The following PHLDB2 variants were observed in gnomAD, a reference collection of about 807,000 sequenced individuals.
PHLDB2 encodes pleckstrin homology like domain family B member 2, also known as pleckstrin homology-like domain family B member 2.
Under a neutral mutation model 123.6 loss-of-function variants are expected in PHLDB2, and 71 were observed. That is an observed-to-expected ratio of 0.57 (90% CI 0.47 to 0.70). The LOEUF (loss-of-function observed/expected upper bound fraction) is 0.70. Ranked by LOEUF, PHLDB2 falls within the 30% of genes least tolerant of loss-of-function variation. The pLI is 0.00. For missense variants in PHLDB2, 1,446 were observed against 1,519.5 expected, an observed-to-expected ratio of 0.95 and a Z score of 0.80; for synonymous variants, 547 against 541.6, an observed-to-expected ratio of 1.01 and a Z score of -0.14.
At chr3:111,874,104 G>A (rs1169531875) in intron 1 of PHLDB2, among the ~76,000 whole-genome samples, 2 of 152,094 alleles carry the variant, frequency 1.3e-5, no homozygotes, top group Non-Finnish European at 1.5e-5. Flanking sequence ...TTGGAAGTTT[G>A]TTTACATCCT....
chr3:111,881,622 TTA>T (rs1487688244), intron 1 of PHLDB2, among the ~76,000 whole-genome samples: 2 of 152,174 alleles, frequency 1.3e-5, no homozygotes, highest in African/African-American at 4.8e-5. Context: ...TATCATATTT[TTA>T]TGTTTGTTTA....
chr3:111,899,426 C>A (rs1021792111), intron 2 of PHLDB2, among the ~76,000 whole-genome samples: 2 of 152,174 alleles, frequency 1.3e-5, no homozygotes, highest in Non-Finnish European at 1.5e-5. Context: ...TGCTCTCCCC[C>A]ACTTCCCCCA....
rs1240536238 is a variant in PHLDB2, at chr3:111,976,244, C to G, written c.*1681C>G. On this transcript the variant is annotated 3_prime_UTR_variant, in exon 18 of 18. Coordinates refer to ENST00000431670, the MANE Select transcript of PHLDB2 (RefSeq NM_001134438.2). ...TATTGAGTTTGGATTAAAATGTTGA[C>G]ATGATTTCACATTTGAAAATAAACT... 2 of 152,174 alleles carry G rather than the reference C, an allele frequency of 1.3e-5. No homozygotes were observed. The highest frequency in any genetic ancestry group is 2.9e-5 in the Non-Finnish European group (2 of 68,026). The allele number at this position is 152,174 out of a possible 1,614,324, so 9.4% of individuals were successfully genotyped here. A position where few individuals can be genotyped will look rare whatever the true frequency, so the allele number is the denominator to read the frequency against.
Position 111,966,671 on chromosome 3 carries a change from C to T in PHLDB2, c.3136C>T (p.His1046Tyr), listed in dbSNP as rs781697930. The T allele has an allele frequency of 4.3e-6, 7 of 1,613,292 alleles. No homozygotes were observed. The highest frequency in any genetic ancestry group is 2.2e-5 in the East Asian group (1 of 44,866). Residue 1046 changes from histidine to tyrosine, a missense_variant, in exon 14 of 18, where the codon CAT becomes TAT. Around this residue, in one of 3 missense-constraint regions of PHLDB2, gnomAD observed 594 missense variants for 646.0 expected, o/e 0.92. Transcript: ENST00000431670. Reference sequence around the variant, plus strand: ...AATGGAGAGACTTTTGAAGCAGGCTCATGCAGAAAAGACGCGGCTGCTCGA... The same window carrying T: ...AATGGAGAGACTTTTGAAGCAGGCTTATGCAGAAAAGACGCGGCTGCTCGA... Reference protein sequence around the residue: ...EEMERLLKQAHAEKTRLLESR... With the variant: ...EEMERLLKQAYAEKTRLLESR...
chr3:111,912,448 G>A (rs2067941129), intron 2 of PHLDB2, among the ~76,000 whole-genome samples: 1 of 152,116 alleles, frequency 6.6e-6, no homozygotes, highest in African/African-American at 2.4e-5. Flanking sequence ...TTACATCGGT[G>A]TGTATCTGGA....
At chr3:111,942,278 A>T (rs1426502447) in intron 8 of PHLDB2, among the ~76,000 whole-genome samples, 1 of 152,230 alleles carries the variant, frequency 6.6e-6, no homozygotes, top group Non-Finnish European at 1.5e-5. Flanking sequence ...CTATAGATAC[A>T]TTTTAATCCC....
chr3:111,874,765 G>A (rs1295316455), intron 1 of PHLDB2, among the ~76,000 whole-genome samples: 2 of 152,202 alleles, frequency 1.3e-5, no homozygotes, highest in Non-Finnish European at 2.9e-5. Context: ...ATATTAGTGA[G>A]TAACACTAAT....
At chr3:111,830,172 G>C (rs1359124877) in intron 1 of PHLDB2, among the ~76,000 whole-genome samples, 1 of 152,140 alleles carries the variant, frequency 6.6e-6, no homozygotes, top group Non-Finnish European at 1.5e-5. Context: ...CAGCAAAACA[G>C]CTTTTACTCT....
At chr3:111,845,993 T>C (rs2063966858) in intron 2 of PHLDB2, 3 of 1,531,292 alleles carry the variant, frequency 2.0e-6, no homozygotes, top group Non-Finnish European at 2.7e-6. Flanking sequence ...TACTCCATCA[T>C]ACATATTGGG....
chr3:111,845,886 C>T, exon 2 of PHLDB2: 2 of 1,614,070 alleles, frequency 1.2e-6, no homozygotes, highest in Non-Finnish European at 1.7e-6. Flanking sequence ...AGGAGGATAC[C>T]AAGAGAGAGG....
At chr3:111,830,548 G>C (rs1220180105) in intron 1 of PHLDB2, among the ~76,000 whole-genome samples, 1 of 146,914 alleles carries the variant, frequency 6.8e-6, no homozygotes, top group Admixed American at 6.8e-5. Flanking sequence ...GGTGGCTCAC[G>C]CCTGTAATCC....
At chr3:111,970,616 T>C (rs937887178) in intron 16 of PHLDB2, among the ~76,000 whole-genome samples, 5 of 152,204 alleles carry the variant, frequency 3.3e-5, no homozygotes, top group African/African-American at 1.2e-4. Flanking sequence ...CCAAATCTTA[T>C]ATAAGTGCAG....
At chr3:111,786,474 C>T (rs1317851128) in intron 1 of PHLDB2, among the ~76,000 whole-genome samples, 2 of 152,168 alleles carry the variant, frequency 1.3e-5, no homozygotes, top group African/African-American at 4.8e-5. Context: ...GGATGTTAAA[C>T]TGATGACCTC....
chr3:111,953,963 G>A lies in PHLDB2; in HGVS notation c.2806G>A (p.Gly936Arg). 1 of 1,613,684 alleles carries A rather than the reference G, an allele frequency of 6.2e-7. No homozygotes were observed. Among genetic ancestry groups the A allele is most frequent in the Non-Finnish European group, 8.5e-7 (1 of 1,179,788 alleles). Reference sequence around the variant, plus strand: ...GCCCCTAGGACAGAGTAACAGCTGTGGAAGTGTGCTCCCTCCCTCACTGGC... The same window carrying A: ...GCCCCTAGGACAGAGTAACAGCTGTAGAAGTGTGCTCCCTCCCTCACTGGC... ...HLPLGQSNSC[G>R]SVLPPSLAAM... is the part of the protein sequence containing the mutation. The change falls in exon 12 of 18, where the codon GGA (glycine) becomes AGA (arginine). Residue 936 changes from glycine (G) to arginine (R), a missense_variant. Around this residue, in one of 3 missense-constraint regions of PHLDB2, gnomAD observed 594 missense variants for 646.0 expected, o/e 0.92. Coordinates refer to ENST00000431670, the MANE Select transcript of PHLDB2 (RefSeq NM_001134438.2).
intron 2 of PHLDB2, among the ~76,000 whole-genome samples, chr3:111,904,984 T>C (rs1299888303): frequency 6.6e-6 from 1 of 152,142 alleles, no homozygotes; most frequent in Non-Finnish European, 1.5e-5. Context: ...CTTGCAAAAG[T>C]GTATTATGAA....
chr3:111,949,428 C>T (rs1056806296), intron 10 of PHLDB2, among the ~76,000 whole-genome samples: 4 of 152,054 alleles, frequency 2.6e-5, no homozygotes, highest in Non-Finnish European at 5.9e-5. Context: ...ACTTTGTTTT[C>T]GATTTTGTTT....
intron 1 of PHLDB2, among the ~76,000 whole-genome samples, chr3:111,869,651 G>A (rs1178414928): frequency 6.6e-6 from 1 of 152,024 alleles, no homozygotes; most frequent in Non-Finnish European, 1.5e-5. Context: ...GTCACAAAAA[G>A]CCTTTGTGTG....
At chr3:111,922,630 G>A (rs1483496141) in intron 5 of PHLDB2, among the ~76,000 whole-genome samples, 4 of 152,170 alleles carry the variant, frequency 2.6e-5, no homozygotes, top group African/African-American at 9.7e-5. Context: ...GTGGGAAGTG[G>A]AAACAAAGAC....
chr3:111,845,974 A>T (rs1271294210), intron 2 of PHLDB2: 2 of 1,582,030 alleles, frequency 1.3e-6, no homozygotes, highest in East Asian at 4.5e-5. Flanking sequence ...GTACATATTT[A>T]CAAGTTCTTA....
Sources: gnomAD v4.1 joint callset for allele counts (sites outside exome capture counted in the v4.1 genomes callset) on GRCh38, gnomAD v4.1.1 for gene constraint, gnomAD v4.1.1 regional missense constraint, MANE v1.5 for transcripts, NCBI Gene and HGNC (gene_info 2026-07-23, HGNC 2026-07-21) for gene names.